The following CHST9 variants were observed in gnomAD, a reference collection of about 807,000 sequenced individuals.
CHST9 encodes the protein carbohydrate sulfotransferase 9.
A neutral mutation model predicts 44.4 loss-of-function variants in CHST9; 41 were observed. The observed-to-expected ratio is 0.92, with a 90% confidence interval of 0.72 to 1.20. The LOEUF is 1.20. Ranked by LOEUF, CHST9 falls within the 50% of genes most tolerant of loss-of-function variation. The pLI is 0.00. For synonymous variants in CHST9, 171 were observed against 178.4 expected (o/e 0.96, Z 0.33); for missense variants, 504 against 516.5 (o/e 0.98, Z 0.23).
chr18:27,003,068 T>C (rs192973053), intron 4 of CHST9, among the ~76,000 whole-genome samples: 30 of 152,268 alleles, frequency 2.0e-4, no homozygotes, highest in Admixed American at 1.8e-3. Flanking sequence ...ATCCTGAAAA[T>C]AATTTTAAAA....
In CHST9 at chr18:26,906,722, C is replaced by T. The variant is rs995984940; in HGVS notation, c.*9537G>A. 1 of 152,166 alleles carries T rather than the reference C, an allele frequency of 6.6e-6. No homozygotes were observed. 9.4% of individuals were successfully genotyped at this position (152,166 alleles called of 1,614,324 possible). A position where few individuals can be genotyped will look rare whatever the true frequency, so the allele number is the denominator to read the frequency against. On this transcript the variant is annotated 3_prime_UTR_variant, in exon 6 of 6. Coordinates refer to ENST00000618847, the MANE Select transcript of CHST9 (RefSeq NM_031422.6). ...AACCATCCTACATAGAATCCTGCTTCCCAATCTCTCATAGTACTCAGGGCA... is the reference window on the plus strand; with the variant it reads ...AACCATCCTACATAGAATCCTGCTTTCCAATCTCTCATAGTACTCAGGGCA...
chr18:27,049,897 G>T (rs1297049289), intron 2 of CHST9, among the ~76,000 whole-genome samples: 1 of 152,176 alleles, frequency 6.6e-6, no homozygotes, highest in South Asian at 2.1e-4. Context: ...CAATAACTAA[G>T]ATAACATGAC....
chr18:27,028,421 C>T (rs2057305806), intron 3 of CHST9, among the ~76,000 whole-genome samples: 2 of 152,172 alleles, frequency 1.3e-5, no homozygotes. Flanking sequence ...CAGGAGGGAT[C>T]AGGAGTTTAC....
At chr18:27,150,848 A>G (rs1313474352) in intron 1 of CHST9, among the ~76,000 whole-genome samples, 1 of 152,186 alleles carries the variant, frequency 6.6e-6, no homozygotes, top group Non-Finnish European at 1.5e-5. Context: ...AAAACTATAA[A>G]AACAGTATGA....
intron 4 of CHST9, among the ~76,000 whole-genome samples, chr18:26,958,734 T>C (rs985313277): frequency 3.3e-5 from 5 of 152,210 alleles, no homozygotes; most frequent in African/African-American, 1.2e-4. Context: ...TCAACGTTAC[T>C]AATTATCAGA....
At chr18:27,132,274 A>G (rs2058478322) in intron 2 of CHST9, among the ~76,000 whole-genome samples, 1 of 152,258 alleles carries the variant, frequency 6.6e-6, no homozygotes, top group Admixed American at 6.5e-5. Context: ...TTTTCTTCAC[A>G]ACATGTCAGC....
chr18:27,138,362 G>A (rs1310088877), intron 2 of CHST9, among the ~76,000 whole-genome samples: 1 of 152,056 alleles, frequency 6.6e-6, no homozygotes, highest in Non-Finnish European at 1.5e-5. Flanking sequence ...GTATGGACAC[G>A]AGATACCCCT....
chr18:27,038,270 G>A (rs1433541353), intron 3 of CHST9, among the ~76,000 whole-genome samples: 1 of 152,176 alleles, frequency 6.6e-6, no homozygotes, highest in Non-Finnish European at 1.5e-5. Flanking sequence ...TTCTGTCCAG[G>A]TGCAGTGGCT....
chr18:27,108,946 TA>T (rs1237936450), intron 2 of CHST9, among the ~76,000 whole-genome samples: 1 of 152,246 alleles, frequency 6.6e-6, no homozygotes, highest in Non-Finnish European at 1.5e-5. Context: ...AAGTTTATAA[TA>T]ACTGTTATTC....
At chr18:27,126,717 T>G (rs1459950032) in intron 2 of CHST9, among the ~76,000 whole-genome samples, 1 of 151,638 alleles carries the variant, frequency 6.6e-6, no homozygotes, top group Non-Finnish European at 1.5e-5. Flanking sequence ...TGGGGAGACA[T>G]GAAGAGCTTC....
chr18:26,973,045 C>T (rs2056571700), intron 4 of CHST9, among the ~76,000 whole-genome samples: 1 of 152,130 alleles, frequency 6.6e-6, no homozygotes, highest in African/African-American at 2.4e-5. Context: ...TTCCCTTTAC[C>T]TAGAACATGT....
intron 2 of CHST9, among the ~76,000 whole-genome samples, chr18:27,135,446 T>C (rs1452045943): frequency 2.0e-5 from 3 of 152,222 alleles, no homozygotes; most frequent in Non-Finnish European, 4.4e-5. Context: ...TCAGACATAA[T>C]GTTATTTACA....
intron 1 of CHST9, among the ~76,000 whole-genome samples, chr18:27,171,710 CAA>C (rs1423374649): frequency 6.6e-6 from 1 of 152,060 alleles, no homozygotes; most frequent in Non-Finnish European, 1.5e-5. Context: ...AAACAAAAAA[CAA>C]AACAGTTAAT....
At chr18:26,995,036 C>T (rs1337143664) in intron 4 of CHST9, among the ~76,000 whole-genome samples, 1 of 152,004 alleles carries the variant, frequency 6.6e-6, no homozygotes, top group Non-Finnish European at 1.5e-5. Flanking sequence ...GTGGACGTGT[C>T]TTGGGCAACC....
chr18:26,951,227 T>G lies in CHST9; in HGVS notation c.203-6861A>C, dbSNP rs2056243534. On this transcript the variant is annotated intron_variant, in intron 4 of 5. Transcript: ENST00000618847. ...TCAACATGGGTGGGGAAGGACCTATTTCTCTAAGATTTATAATTCCAGGAC... is the reference window on the plus strand; with the variant it reads ...TCAACATGGGTGGGGAAGGACCTATGTCTCTAAGATTTATAATTCCAGGAC... Among the ~76,000 whole-genome samples the G allele has an allele frequency of 2.0e-5, 3 of 152,132 alleles. No homozygotes were observed. The South Asian group carries it at 6.2e-4, about 32-fold the overall frequency.
At position 26,969,368 on chromosome 18, in the gene CHST9, C is replaced by CTGTG. The variant is rs1435153900; in HGVS notation, c.203-25003_203-25002insCACA. 1.8e-3 allele frequency among the ~76,000 whole-genome samples: 172 copies of CTGTG among 94,094 alleles called. 1 individual carries two copies. Among genetic ancestry groups the CTGTG allele is most frequent in the African/African-American group, 3.8e-3 (100 of 26,226 alleles). The allele number at this position is 94,094 out of a possible 152,430, so 61.7% of individuals were successfully genotyped here. ...TAGTCTTCCTTTTTTGATTCTCTCT[C>CTGTG]TCTCTCTCTGTGTGTGTGTGTGTGT... On this transcript the variant is annotated intron_variant, in intron 4 of 5. Coordinates refer to ENST00000618847, the MANE Select transcript of CHST9 (RefSeq NM_031422.6).
intron 2 of CHST9, among the ~76,000 whole-genome samples, chr18:27,095,026 G>T (rs1187681512): frequency 9.2e-5 from 14 of 152,134 alleles, no homozygotes. Context: ...CAGGTTAGTT[G>T]ACATTAAAAA....
At chr18:27,101,496 G>T in intron 2 of CHST9, among the ~76,000 whole-genome samples, 1 of 151,410 alleles carries the variant, frequency 6.6e-6, no homozygotes, top group East Asian at 2.0e-4. Context: ...GCGGGGGTGA[G>T]GGTGGGCGGG....
chr18:27,097,418 TA>T (rs925346162), intron 2 of CHST9, among the ~76,000 whole-genome samples: 4 of 151,854 alleles, frequency 2.6e-5, no homozygotes, highest in Admixed American at 1.3e-4. Context: ...AAGAAAGGAA[TA>T]AAAAACATCC....
Sources: gnomAD v4.1 joint callset for allele counts (sites outside exome capture counted in the v4.1 genomes callset) on GRCh38, gnomAD v4.1.1 for gene constraint, MANE v1.5 for transcripts, NCBI Gene and HGNC (gene_info 2026-07-23, HGNC 2026-07-21) for gene names.